VTI1A: variants seen among roughly 807,000 people sequenced by gnomAD.
The protein encoded by VTI1A is vesicle transport through interaction with t-SNAREs homolog 1A.
Under a neutral mutation model 34.9 loss-of-function variants are expected in VTI1A, and 22 were observed. That is an observed-to-expected ratio of 0.63 (90% CI 0.45 to 0.90). The LOEUF (loss-of-function observed/expected upper bound fraction) is 0.90. Ranked by LOEUF, VTI1A falls within the 40% of genes least tolerant of loss-of-function variation. VTI1A has a pLI of 0.00. For synonymous variants in VTI1A, 87 were observed against 97.3 expected, an observed-to-expected ratio of 0.89 and a Z score of 0.62; for missense variants, 268 against 275.6, an observed-to-expected ratio of 0.97 and a Z score of 0.20.
chr10:112,704,071 C>G (rs1007036317), intron 7 of VTI1A, among the ~76,000 whole-genome samples: 7 of 152,170 alleles, frequency 4.6e-5, no homozygotes, highest in Admixed American at 3.3e-4. Flanking sequence ...TTTCTTCGGT[C>G]TTATTTAAAA....
At chr10:112,449,820 A>G (rs533929475) in intron 1 of VTI1A, 1 of 152,378 alleles carries the variant, frequency 6.6e-6, no homozygotes, top group African/African-American at 2.4e-5. Context: ...GCCCAAACAC[A>G]GGAGCTTCAT....
Position 112,668,241 on chromosome 10 carries a change from G to C in VTI1A, c.451G>C (p.Glu151Gln), listed in dbSNP as rs1239342866. ...AGAGCAAATTGGTCAGGAGATGTTG[G>C]AAAACCTTAGTCATGACAGAGAAAA... Reference protein sequence around the residue: ...ETEQIGQEMLENLSHDREKIQ... With the variant: ...ETEQIGQEMLQNLSHDREKIQ... Residue 151 changes from glutamate to glutamine, a missense_variant, in exon 6 of 8, where the codon GAA becomes CAA. Physicochemically the swap from Glu to Gln is conservative, Grantham distance 29 (BLOSUM62 2). Transcript: ENST00000393077. The C allele has an allele frequency of 1.2e-6, 2 of 1,612,556 alleles. No homozygotes were observed.
At chr10:112,632,614 C>A (rs543580067) in intron 5 of VTI1A, among the ~76,000 whole-genome samples, 51 of 152,306 alleles carry the variant, frequency 3.3e-4, no homozygotes, top group African/African-American at 1.1e-3. Context: ...ACCAGCTCAT[C>A]AATATTTTGA....
chr10:112,773,879 G>A (rs958341276), intron 7 of VTI1A, among the ~76,000 whole-genome samples: 1 of 152,210 alleles, frequency 6.6e-6, no homozygotes, highest in African/African-American at 2.4e-5. Context: ...GATATTGGGA[G>A]GTGTAGGAAG....
intron 2 of VTI1A, among the ~76,000 whole-genome samples, chr10:112,461,962 C>T (rs1454064615): frequency 5.9e-5 from 9 of 152,176 alleles, no homozygotes; most frequent in African/African-American, 1.9e-4. Flanking sequence ...GTGATCTGCC[C>T]GCCTTGGCCT....
rs1275132588 is a variant in VTI1A at position 112,676,390 on chromosome 10, A to AG, written c.560+7399dup. Among the ~76,000 whole-genome samples, 6 of 151,944 alleles carry AG rather than the reference A, an allele frequency of 3.9e-5. No individual in the cohort carries two copies. In the East Asian group the frequency reaches 1.2e-3, roughly 30 times the overall value. ...CCCATCTCATTTAGGCTGTTTAGGG[A>AG]GGGGGGGCTCCTAGTTGGTCTCTGT... On this transcript the variant is annotated intron_variant, in intron 7 of 7. Transcript: ENST00000393077.
chr10:112,849,655 G>T, the VTI1A span, among the ~76,000 whole-genome samples: 1 of 152,202 alleles, frequency 6.6e-6, no homozygotes, highest in Non-Finnish European at 1.5e-5. Context: ...ATTAACTCTA[G>T]CCAAGAGGGA....
chr10:112,626,206 GC>G (rs1845917008), intron 5 of VTI1A, among the ~76,000 whole-genome samples: 1 of 152,066 alleles, frequency 6.6e-6, no homozygotes, highest in Non-Finnish European at 1.5e-5. Context: ...AGAGGTAAAA[GC>G]CCCCTTCCGG....
chr10:112,564,801 C>T (rs1851852395), intron 5 of VTI1A, among the ~76,000 whole-genome samples: 1 of 152,052 alleles, frequency 6.6e-6, no homozygotes, highest in African/African-American at 2.4e-5. Context: ...GGAATGCTGG[C>T]TTTCATTGCA....
At chr10:112,723,287 C>T (rs752765366) in intron 7 of VTI1A, among the ~76,000 whole-genome samples, 3 of 152,176 alleles carry the variant, frequency 2.0e-5, no homozygotes, top group African/African-American at 7.2e-5. Context: ...CTTCCCTGTA[C>T]AGGACTATAC....
intron 5 of VTI1A, among the ~76,000 whole-genome samples, chr10:112,658,548 G>A (rs750123693): frequency 2.0e-5 from 3 of 152,076 alleles, no homozygotes; most frequent in African/African-American, 7.2e-5. Flanking sequence ...CTTAAAATGC[G>A]GCATATACTG....
chr10:112,703,217 A>G (rs190640869), intron 7 of VTI1A, among the ~76,000 whole-genome samples: 4 of 152,294 alleles, frequency 2.6e-5, no homozygotes, highest in Admixed American at 2.6e-4. Context: ...AATGAAATCC[A>G]TTTAAATCAT....
At chr10:112,568,770 A>C (rs775164948) in intron 5 of VTI1A, among the ~76,000 whole-genome samples, 1 of 152,186 alleles carries the variant, frequency 6.6e-6, no homozygotes. Flanking sequence ...GAGATGATCA[A>C]GTCTTCATGT....
At chr10:112,579,806 G>C (rs956036055) in intron 5 of VTI1A, among the ~76,000 whole-genome samples, 4 of 152,162 alleles carry the variant, frequency 2.6e-5, no homozygotes, top group Admixed American at 2.6e-4. Context: ...AGAATTTGCA[G>C]ATAACTCTGG....
At chr10:112,586,892 G>A (rs1589939454) in intron 5 of VTI1A, among the ~76,000 whole-genome samples, 1 of 152,150 alleles carries the variant, frequency 6.6e-6, no homozygotes, top group East Asian at 1.9e-4. Context: ...CAGTGGTTTT[G>A]AGCAGCAAAC....
intron 7 of VTI1A, among the ~76,000 whole-genome samples, chr10:112,689,714 A>G (rs1325673714): frequency 2.0e-5 from 3 of 151,976 alleles, no homozygotes; most frequent in Non-Finnish European, 4.4e-5. Flanking sequence ...GTGGGCCACA[A>G]GTGGCCTACA....
rs191967351 is a variant in VTI1A at position 112,550,144 on chromosome 10, G to C, written c.427+11814G>C. ...TATCACTTTTCCAGTTGGTTTGTAA[G>C]ATACACGTGGAGCCATTCTTACTCT... On this transcript the variant is annotated intron_variant, in intron 5 of 7. Transcript: ENST00000393077. 3.3e-3 allele frequency among the ~76,000 whole-genome samples: 505 copies of C among 152,258 alleles called. 4 individuals are homozygous for C. The highest frequency in any genetic ancestry group is 0.012 in the African/African-American group (496 of 41,554).
chr10:112,804,556 CA>C lies in VTI1A; in HGVS notation c.561-10731del, dbSNP rs548394145. ...TTTTGTTGGGGAAGAAACTGAAACC[CA>C]AATGTCATGGGGTGACTTGCTCTAG... On this transcript the variant is annotated intron_variant, in intron 7 of 7. Transcript: ENST00000393077. 6.8e-3 allele frequency among the ~76,000 whole-genome samples: 1,033 copies of C among 152,262 alleles called. 5 individuals are homozygous for C. The highest frequency in any genetic ancestry group is 0.011 in the Non-Finnish European group (775 of 68,032).
intron 7 of VTI1A, among the ~76,000 whole-genome samples, chr10:112,779,648 G>C (rs1422850152): frequency 6.6e-6 from 1 of 152,064 alleles, no homozygotes; most frequent in East Asian, 1.9e-4. Flanking sequence ...TGACCATCTC[G>C]GTACAAAGTT....
Sources: allele counts gnomAD v4.1 joint callset (sites outside exome capture counted in the v4.1 genomes callset), GRCh38; gene constraint gnomAD v4.1.1; transcripts MANE v1.5; gene names NCBI Gene and HGNC (gene_info 2026-07-23, HGNC 2026-07-21).